Variants in CLCN5 observed in about 807,000 individuals in gnomAD.
CLCN5 encodes Cl-/H+ antiporter 5.
Under a neutral mutation model 54.0 loss-of-function variants are expected in CLCN5, and 17 were observed. The ratio of observed to expected loss-of-function variants is 0.31; its 90% CI spans 0.22 to 0.47. The LOEUF (loss-of-function observed/expected upper bound fraction) is 0.47, where lower values mean the gene tolerates loss of function less well. CLCN5 is among the 20% of genes least tolerant of loss of function. CLCN5 has a pLI of 1.00. For synonymous variants in CLCN5, 222 were observed against 233.0 expected (o/e 0.95, Z 0.43); for missense variants, 448 against 646.7 (o/e 0.69, Z 3.33).
rs782101754 is a variant in CLCN5 at position 50,033,458 on chromosome X, C to T, written c.17-8858C>T. ...ATAAAATACCTAGGAATCCAACTTA[C>T]AAGGGACATGAAGGACCTCTTCAAG... On this transcript the variant is annotated intron_variant, in intron 3 of 14. Transcript: ENST00000376091. Among the ~76,000 whole-genome samples the T allele has an allele frequency of 4.5e-5, 5 of 111,542 alleles. No individual in the cohort carries two copies. In the South Asian group the frequency reaches 1.9e-3, roughly 42 times the overall value.
intron 3 of CLCN5, among the ~76,000 whole-genome samples, chrX:49,966,843 A>T (rs1601990423): frequency 8.2e-5 from 1 of 12,143 alleles, no homozygotes. Context: ...TTCAATTCCC[A>T]CCTATGAGTG....
intron 3 of CLCN5, among the ~76,000 whole-genome samples, chrX:49,949,253 G>T (rs1926907017): frequency 8.9e-6 from 1 of 111,979 alleles, no homozygotes; most frequent in Non-Finnish European, 1.9e-5. Flanking sequence ...GAACAGGCCA[G>T]GTAAGCTGAT....
intron 3 of CLCN5, among the ~76,000 whole-genome samples, chrX:49,946,858 C>T (rs1276086441): frequency 4.6e-5 from 5 of 109,703 alleles, no homozygotes; most frequent in East Asian, 5.7e-4. Context: ...GATGGAGTTT[C>T]GCTCTTGTTA....
chrX:50,083,539 A>G (rs1339741198), intron 9 of CLCN5, among the ~76,000 whole-genome samples: 1 of 112,039 alleles, frequency 8.9e-6, no homozygotes, highest in Non-Finnish European at 1.9e-5. Flanking sequence ...TTATTAGTGT[A>G]AATTTCCTAT....
intron 3 of CLCN5, among the ~76,000 whole-genome samples, chrX:49,948,318 G>A (rs1926864487): frequency 2.7e-5 from 3 of 110,763 alleles, no homozygotes; most frequent in African/African-American, 9.9e-5. Context: ...CTTTCTCCAG[G>A]TGTTGAGTCC....
At chrX:49,925,365 C>T (rs1360980042) in intron 3 of CLCN5, 51 bp downstream of exon 3, 2 of 1,138,636 alleles carry the variant, frequency 1.8e-6, no homozygotes, top group African/African-American at 1.8e-5. Flanking sequence ...CTACTCTATT[C>T]TCTACCCTCA....
At chrX:50,009,787 G>C in intron 3 of CLCN5, 1 of 386,860 alleles carries the variant, frequency 2.6e-6, no homozygotes, top group Non-Finnish European at 5.2e-6. Flanking sequence ...ACCCGGGCAA[G>C]GATTCTGAGA....
At chrX:49,960,363 G>C (rs1927537239) in intron 3 of CLCN5, among the ~76,000 whole-genome samples, 1 of 110,812 alleles carries the variant, frequency 9.0e-6, no homozygotes, top group Non-Finnish European at 1.9e-5. Flanking sequence ...TCTAACCACA[G>C]CTGGATCCTC....
At chrX:50,056,038 G>GATAT (rs1483159515) in intron 4 of CLCN5, among the ~76,000 whole-genome samples, 1 of 107,197 alleles carries the variant, frequency 9.3e-6, no homozygotes, top group Non-Finnish European at 1.9e-5. Context: ...TCCCACATGA[G>GATAT]ATATATATAT....
intron 3 of CLCN5, among the ~76,000 whole-genome samples, chrX:50,026,615 A>C (rs1204111870): frequency 8.9e-6 from 1 of 111,738 alleles, no homozygotes; most frequent in Non-Finnish European, 1.9e-5. Context: ...ATCATTATGC[A>C]GTACCCCTCT....
chrX:50,005,246 A>C, intron 3 of CLCN5, among the ~76,000 whole-genome samples: 1 of 111,576 alleles, frequency 9.0e-6, no homozygotes, highest in African/African-American at 3.3e-5. Context: ...TGGAAGCCTG[A>C]TCAAATTCAG....
chrX:49,948,519 C>T (rs1464155473), intron 3 of CLCN5, among the ~76,000 whole-genome samples: 2 of 111,438 alleles, frequency 1.8e-5, no homozygotes, highest in African/African-American at 3.3e-5. Flanking sequence ...TAGCATTAAA[C>T]GGTAGATATT....
chrX:49,950,253 C>T (rs917122228), intron 3 of CLCN5, among the ~76,000 whole-genome samples: 1 of 111,860 alleles, frequency 8.9e-6, no homozygotes, highest in African/African-American at 3.2e-5. Flanking sequence ...TTCCATTGCT[C>T]CCAGCTGCCC....
Position 50,086,831 on chromosome X carries a change from A to G in CLCN5, c.1518A>G (p.Ile506Met). Reference protein sequence around the residue: ...SAMWQLALTLILKIVITIFTF... With the variant: ...SAMWQLALTLMLKIVITIFTF... The stretch of plus-strand genomic sequence containing the variant: ...TGTGGCAGCTGGCTTTAACACTCAT[A>G]CTGAAAATTGTCATTACTATATTCA... Residue 506 changes from isoleucine (I) to methionine (M), a missense_variant, in exon 11 of 15, where the codon ATA becomes ATG. By Grantham distance (10) the Ile-to-Met change is conservative. Around this residue, in one of 5 missense-constraint regions of CLCN5, gnomAD observed 297 missense variants for 470.4 expected, o/e 0.63. Transcript: ENST00000376091. The G allele has an allele frequency of 8.3e-7, 1 of 1,211,265 alleles. No individual in the cohort carries two copies. Among genetic ancestry groups the G allele is most frequent in the Non-Finnish European group, 1.1e-6 (1 of 895,378 alleles).
chrX:50,022,599 C>G (rs1362701431), intron 3 of CLCN5, among the ~76,000 whole-genome samples: 1 of 76,948 alleles, frequency 1.3e-5, no homozygotes. Context: ...TTCCTGCTTT[C>G]TCTTATAGGC....
chrX:50,097,776 C>T lies in CLCN5; in HGVS notation c.*5557C>T, dbSNP rs1157022110. ...AGTTGATGGGACCAACAGGGCTTTG[C>T]TCCTCTGTGAGGGCCAAAGCCATTG... On this transcript the variant is annotated 3_prime_UTR_variant, in exon 15 of 15. Coordinates refer to ENST00000376091, the MANE Select transcript of CLCN5 (RefSeq NM_001127898.4). 6 of 111,839 alleles carry T rather than the reference C, an allele frequency of 5.4e-5. No homozygotes were observed. The highest frequency in any genetic ancestry group is 2.0e-4 in the African/African-American group (6 of 30,664). 9.2% of individuals were successfully genotyped at this position (111,839 alleles called of 1,213,427 possible).
chrX:49,960,350 A>G (rs1439287948), intron 3 of CLCN5, among the ~76,000 whole-genome samples: 3 of 110,574 alleles, frequency 2.7e-5, no homozygotes, highest in Non-Finnish European at 3.8e-5. Context: ...CCAAACTGTG[A>G]TTTCTAACCA....
chrX:49,962,679 C>T (rs1212523503), intron 3 of CLCN5, among the ~76,000 whole-genome samples: 2 of 111,882 alleles, frequency 1.8e-5, no homozygotes, highest in Non-Finnish European at 3.8e-5. Context: ...TATCAGACTA[C>T]AGGCTTGTCC....
intron 4 of CLCN5, among the ~76,000 whole-genome samples, chrX:50,056,311 A>G (rs1448374447): frequency 9.0e-6 from 1 of 110,965 alleles, no homozygotes; most frequent in African/African-American, 3.3e-5. Context: ...GTGCTACCCA[A>G]AGGATTTCCC....
Sources: gnomAD v4.1 joint callset for allele counts (sites outside exome capture counted in the v4.1 genomes callset) on GRCh38, gnomAD v4.1.1 for gene constraint, gnomAD v4.1.1 regional missense constraint, MANE v1.5 for transcripts, NCBI Gene and HGNC (gene_info 2026-07-23, HGNC 2026-07-21) for gene names.